The following GPR139 variants were observed in gnomAD, a reference collection of about 807,000 sequenced individuals.
The protein encoded by GPR139 is G protein-coupled receptor 139.
In GPR139, 12 loss-of-function variants were observed where a neutral mutation model predicts 25.8. The observed-to-expected ratio is 0.47, with a 90% CI of 0.30 to 0.75. The LOEUF (loss-of-function observed/expected upper bound fraction) is 0.75. Among genes scored for constraint, GPR139 ranks in the 30% least tolerant of loss-of-function variants. GPR139 has a pLI of 0.07. For missense variants in GPR139, 380 were observed against 450.2 expected, an observed-to-expected ratio of 0.84 and a Z score of 1.41; for synonymous variants, 184 against 179.9, an observed-to-expected ratio of 1.02 and a Z score of -0.18.
intron 1 of GPR139, among the ~76,000 whole-genome samples, chr16:20,046,191 C>G (rs77137295): frequency 6.6e-6 from 1 of 152,210 alleles, no homozygotes; most frequent in Non-Finnish European, 1.5e-5. Flanking sequence ...ATTACCCTGC[C>G]TCATTCTCCT....
At chr16:20,060,604 T>C (rs72772760) in intron 1 of GPR139, among the ~76,000 whole-genome samples, 6,172 of 152,328 alleles carry the variant, frequency 0.041, 150 homozygotes, top group Non-Finnish European at 0.056. Flanking sequence ...CCCATGTTTG[T>C]CAAACAAGTG....
At position 20,028,600 on chromosome 16, in the gene GPR139, G is replaced by A. The variant is rs1282668239; in HGVS notation, c.*3135C>T. On this transcript the variant is annotated 3_prime_UTR_variant, in exon 2 of 2. Coordinates refer to ENST00000570682, the MANE Select transcript of GPR139 (RefSeq NM_001002911.4). ...TGTTGAACCAGGAGGTACCAAATGT[G>A]CAAAGTGATCTTTTCCAATAGCAGG... Among the ~76,000 whole-genome samples the A allele has an allele frequency of 6.6e-6, 1 of 152,104 alleles. No individual in the cohort carries two copies. The highest frequency in any genetic ancestry group is 1.5e-5 in the Non-Finnish European group (1 of 68,010).
intron 1 of GPR139, among the ~76,000 whole-genome samples, chr16:20,058,475 G>T (rs1323010720): frequency 6.6e-6 from 1 of 152,108 alleles, no homozygotes; most frequent in Non-Finnish European, 1.5e-5. Context: ...AAAAATCTTT[G>T]TGTTGGTGGA....
chr16:20,044,660 A>C (rs2057347718), intron 1 of GPR139, among the ~76,000 whole-genome samples: 1 of 152,210 alleles, frequency 6.6e-6, no homozygotes, highest in Admixed American at 6.5e-5. Context: ...CACTGAGCTC[A>C]CATCTTCATA....
intron 1 of GPR139, among the ~76,000 whole-genome samples, chr16:20,068,504 T>C (rs750001807): frequency 2.6e-5 from 4 of 152,198 alleles, no homozygotes; most frequent in Admixed American, 6.5e-5. Context: ...CTTAGGAGTT[T>C]TTGTGGTGTG....
intron 1 of GPR139, among the ~76,000 whole-genome samples, chr16:20,038,595 C>G (rs1161072542): frequency 1.3e-5 from 2 of 152,002 alleles, no homozygotes; most frequent in African/African-American, 4.8e-5. Context: ...GAAACTAACC[C>G]GCAGACACTG....
Position 20,031,794 on chromosome 16 carries a change from T to A in GPR139, c.1003A>T (p.Ile335Phe). ...TCATACTGGTACACCAGCATCTTGA[T>A]GCAGTGTGAGTTTGCCGGCGAGATC... ...PWISPANSHCIKMLVYQYDKN... is the reference protein window; with the variant it reads ...PWISPANSHCFKMLVYQYDKN... The change falls in exon 2 of 2, where the codon ATC becomes TTC. Residue 335 changes from isoleucine (I) to phenylalanine (F), a missense_variant. Ile to Phe is a conservative substitution (Grantham distance 21). Transcript: ENST00000570682. 1 of 1,614,250 alleles carries A rather than the reference T, an allele frequency of 6.2e-7. No individual in the cohort carries two copies. The highest frequency in any genetic ancestry group is 8.5e-7 in the Non-Finnish European group (1 of 1,180,048).
chr16:20,055,804 A>C (rs1421643899), intron 1 of GPR139, among the ~76,000 whole-genome samples: 1 of 152,252 alleles, frequency 6.6e-6, no homozygotes, highest in Non-Finnish European at 1.5e-5. Flanking sequence ...AGCAGATGGG[A>C]GCATAGGCTC....
In GPR139 at chr16:20,073,288, G is replaced by A. The variant is rs2057466927; in HGVS notation, c.127+202C>T. 2.1e-5 allele frequency among the ~76,000 whole-genome samples: 3 copies of A among 143,120 alleles called. No individual in the cohort carries two copies. The highest frequency in any genetic ancestry group is 4.8e-5 in the Non-Finnish European group (3 of 63,126). The allele number at this position is 143,120 out of a possible 152,430, so 93.9% of individuals were successfully genotyped here. On this transcript the variant is annotated intron_variant, in intron 1 of 1. Coordinates refer to ENST00000570682, the MANE Select transcript of GPR139 (RefSeq NM_001002911.4). This position sits in a 1 kb window ranked among gnomAD's most constrained non-coding sequence, Gnocchi z 4.7. The stretch of plus-strand genomic sequence containing the variant: ...CACACACACACACACACGCTCGCGC[G>A]CGCACACACACACACACGGTCCCCA...
At chr16:20,056,524 T>A (rs1191991608) in intron 1 of GPR139, among the ~76,000 whole-genome samples, 4 of 152,158 alleles carry the variant, frequency 2.6e-5, no homozygotes, top group Non-Finnish European at 4.4e-5. Context: ...GTAGCTTCGG[T>A]TTTCAGTCCT....
chr16:20,046,710 C>T (rs1472681090), intron 1 of GPR139, among the ~76,000 whole-genome samples: 1 of 152,100 alleles, frequency 6.6e-6, no homozygotes, highest in African/African-American at 2.4e-5. Flanking sequence ...AGGAGAACGG[C>T]ACTCGAGGAT....
chr16:20,029,515 T>C lies in GPR139; in HGVS notation c.*2220A>G, dbSNP rs930229035. Among the ~76,000 whole-genome samples the C allele has an allele frequency of 3.3e-5, 5 of 151,362 alleles. No homozygotes were observed. The highest frequency in any genetic ancestry group is 7.4e-5 in the Non-Finnish European group (5 of 67,872). ...TATATATATATATATTCAGTATAGG[T>C]AGCCTTTGGTCAATGTCCATTCATA... On this transcript the variant is annotated 3_prime_UTR_variant, in exon 2 of 2. Coordinates refer to ENST00000570682, the MANE Select transcript of GPR139 (RefSeq NM_001002911.4).
Position 20,031,389 on chromosome 16 carries a change from C to T in GPR139, c.*346G>A. 3.6e-6 allele frequency: 1 copy of T among 276,006 alleles called. No homozygotes were observed. Among genetic ancestry groups the T allele is most frequent in the South Asian group, 5.9e-5 (1 of 16,828 alleles). The allele number at this position is 276,006 out of a possible 1,614,324, so 17.1% of individuals were successfully genotyped here. On this transcript the variant is annotated 3_prime_UTR_variant, in exon 2 of 2. Transcript: ENST00000570682. ...TGGTAAGTCCCATAAATGAAGGGTT[C>T]CCAGTGACTGTGGATGGTACCAGGG...
At chr16:20,044,850 A>T (rs920283623) in intron 1 of GPR139, among the ~76,000 whole-genome samples, 1 of 152,138 alleles carries the variant, frequency 6.6e-6, no homozygotes, top group Non-Finnish European at 1.5e-5. Flanking sequence ...AAGTTGACTA[A>T]AGTTGTATGC....
chr16:20,067,313 G>A (rs1181917932), intron 1 of GPR139, among the ~76,000 whole-genome samples: 1 of 152,146 alleles, frequency 6.6e-6, no homozygotes, highest in Non-Finnish European at 1.5e-5. Flanking sequence ...AGCAGAACCT[G>A]GCTCTCCTGG....
At chr16:20,058,704 C>T (rs1376884263) in intron 1 of GPR139, among the ~76,000 whole-genome samples, 2 of 152,200 alleles carry the variant, frequency 1.3e-5, no homozygotes, top group Admixed American at 6.5e-5. Flanking sequence ...CGATGTCCCT[C>T]CGTCACGCTG....
chr16:20,071,925 G>A (rs965896863), intron 1 of GPR139, among the ~76,000 whole-genome samples: 1 of 152,072 alleles, frequency 6.6e-6, no homozygotes, highest in Non-Finnish European at 1.5e-5. Flanking sequence ...GTGGATTGTT[G>A]GGGGGACATT....
chr16:20,034,459 C>G (rs1301091599), intron 1 of GPR139, among the ~76,000 whole-genome samples: 2 of 152,190 alleles, frequency 1.3e-5, no homozygotes, highest in Non-Finnish European at 2.9e-5. Context: ...TCTTTTCCAT[C>G]TTCTTTCTCT....
At position 20,032,514 on chromosome 16, in the gene GPR139, G is replaced by C. The variant is rs1394836405; in HGVS notation, c.283C>G (p.Gln95Glu). ...ATCTTGTCGGGGACCTGAGGCATCT[G>C]CATGTTCAAGATGAAATCTTCCAAC... ...FLLEDFILNM[Q>E]MPQVPDKIIE... is the part of the protein sequence containing the mutation. The change falls in exon 2 of 2, where the codon CAG becomes GAG. Residue 95 changes from glutamine to glutamate, a missense_variant. Gln to Glu is a conservative substitution (Grantham distance 29). Coordinates refer to ENST00000570682, the MANE Select transcript of GPR139 (RefSeq NM_001002911.4). 4.3e-6 allele frequency: 7 copies of C among 1,614,154 alleles called. No homozygotes were observed. Among genetic ancestry groups the C allele is most frequent in the Non-Finnish European group, 5.9e-6 (7 of 1,180,008 alleles).
Sources: gnomAD v4.1 joint callset for allele counts (sites outside exome capture counted in the v4.1 genomes callset) on GRCh38, gnomAD v4.1.1 for gene constraint, Gnocchi (gnomAD v3.1) non-coding constraint, MANE v1.5 for transcripts, NCBI Gene and HGNC (gene_info 2026-07-23, HGNC 2026-07-21) for gene names.